Variants in MAML2 observed in about 807,000 individuals in gnomAD.
MAML2 encodes the protein mastermind like transcriptional coactivator 2.
MAML2 carries 22 observed loss-of-function variants against 96.1 expected under a neutral mutation model. The observed-to-expected ratio is 0.23, with a 90% confidence interval of 0.16 to 0.33. The LOEUF is 0.33. MAML2 is among the 10% of genes least tolerant of loss of function. MAML2 has a pLI of 1.00. For synonymous variants in MAML2, 561 were observed against 521.3 expected, an observed-to-expected ratio of 1.08 and a Z score of -1.04; for missense variants, 1,367 against 1,392.4, an observed-to-expected ratio of 0.98 and a Z score of 0.29.
At chr11:96,104,547 G>T (rs887181913) in intron 1 of MAML2, among the ~76,000 whole-genome samples, 12 of 152,180 alleles carry the variant, frequency 7.9e-5, no homozygotes, top group African/African-American at 2.9e-4. Context: ...CATTTCATTT[G>T]TCCCAGCAGA....
intron 1 of MAML2, among the ~76,000 whole-genome samples, chr11:96,330,852 A>G (rs1261657756): frequency 6.6e-6 from 1 of 152,232 alleles, no homozygotes; most frequent in African/African-American, 2.4e-5. Flanking sequence ...TTATTGGATA[A>G]TGCAAGTCAC....
At chr11:96,328,483 G>A (rs1007406441) in intron 1 of MAML2, among the ~76,000 whole-genome samples, 1 of 151,326 alleles carries the variant, frequency 6.6e-6, no homozygotes, top group East Asian at 1.9e-4. Context: ...TTGCTCTGTT[G>A]TTGAAAAAAA....
rs201632458 is a variant in MAML2, at chr11:96,189,064, G to GT, written c.514-95548dup. 2.9e-3 allele frequency among the ~76,000 whole-genome samples: 417 copies of GT among 141,594 alleles called. 3 individuals carry two copies. The highest frequency in any genetic ancestry group is 9.1e-3 in the South Asian group (41 of 4,508). The allele number at this position is 141,594 out of a possible 152,430, so 92.9% of individuals were successfully genotyped here. ...AGCTTCTAGCTCAATGCTAGAAACT[G>GT]TTTTGTTTTTTTTTTTCTATATCTG... On this transcript the variant is annotated intron_variant, in intron 1 of 4. Coordinates refer to ENST00000524717, the MANE Select transcript of MAML2 (RefSeq NM_032427.4).
intron 2 of MAML2, among the ~76,000 whole-genome samples, chr11:96,087,595 A>G (rs770123901): frequency 6.6e-5 from 10 of 152,192 alleles, no homozygotes; most frequent in Non-Finnish European, 1.2e-4. Context: ...TCATGTCATT[A>G]TATTTACCCT....
intron 1 of MAML2, among the ~76,000 whole-genome samples, chr11:96,257,308 T>C (rs1236732120): frequency 6.6e-6 from 1 of 152,238 alleles, no homozygotes; most frequent in Non-Finnish European, 1.5e-5. Flanking sequence ...CACCCTGCAA[T>C]TGATCCTTTC....
chr11:96,016,875 A>C (rs750576108), intron 2 of MAML2, among the ~76,000 whole-genome samples: 20 of 152,224 alleles, frequency 1.3e-4, no homozygotes, highest in Non-Finnish European at 2.6e-4. Flanking sequence ...TCTATAGAAA[A>C]GATTTGTTTA....
chr11:96,320,525 T>G (rs1302166133), intron 1 of MAML2, among the ~76,000 whole-genome samples: 2 of 152,268 alleles, frequency 1.3e-5, no homozygotes, highest in African/African-American at 4.8e-5. Flanking sequence ...AGGAGTGGAG[T>G]AGACAATTCC....
chr11:96,276,891 T>G (rs1862996614), intron 1 of MAML2, among the ~76,000 whole-genome samples: 1 of 146,234 alleles, frequency 6.8e-6, no homozygotes, highest in Admixed American at 6.9e-5. Flanking sequence ...GAAACCTAAA[T>G]CTGGATAGTA....
intron 1 of MAML2, among the ~76,000 whole-genome samples, chr11:96,187,980 G>A (rs1038405027): frequency 1.4e-4 from 22 of 152,146 alleles, no homozygotes; most frequent in African/African-American, 4.8e-4. Context: ...GCCTTCATGT[G>A]GCAGAGGTAT....
chr11:96,061,561 G>C (rs1859159832), intron 2 of MAML2, among the ~76,000 whole-genome samples: 1 of 152,058 alleles, frequency 6.6e-6, no homozygotes, highest in Admixed American at 6.6e-5. Flanking sequence ...TTGCTTCCTT[G>C]GAATATAGGT....
chr11:96,157,415 C>G (rs897614380), intron 1 of MAML2, among the ~76,000 whole-genome samples: 1 of 152,232 alleles, frequency 6.6e-6, no homozygotes, highest in Non-Finnish European at 1.5e-5. Context: ...TGTGGAGGAA[C>G]AGCGAGTGCT....
intron 1 of MAML2, among the ~76,000 whole-genome samples, chr11:96,118,233 C>T (rs1396605147): frequency 6.6e-6 from 1 of 152,168 alleles, no homozygotes; most frequent in African/African-American, 2.4e-5. Flanking sequence ...CTGCAAATTC[C>T]CAACTGCAAT....
chr11:96,174,153 C>T (rs899811112), intron 1 of MAML2, among the ~76,000 whole-genome samples: 1 of 152,178 alleles, frequency 6.6e-6, no homozygotes, highest in South Asian at 2.1e-4. Flanking sequence ...TCCTTTCCTT[C>T]ATACCCTAGA....
chr11:96,332,641 C>T (rs940915266), intron 1 of MAML2, among the ~76,000 whole-genome samples: 2 of 152,196 alleles, frequency 1.3e-5, no homozygotes, highest in African/African-American at 4.8e-5. Context: ...TGGGATAATA[C>T]ACTAGCACAT....
intron 1 of MAML2, among the ~76,000 whole-genome samples, chr11:96,294,333 T>C (rs1863256966): frequency 6.6e-6 from 1 of 151,570 alleles, no homozygotes; most frequent in African/African-American, 2.4e-5. Context: ...AAAAAAAAAT[T>C]ACTGATTTTG....
At chr11:96,091,619 A>C (rs983325841) in intron 2 of MAML2, among the ~76,000 whole-genome samples, 1 of 152,180 alleles carries the variant, frequency 6.6e-6, no homozygotes, top group African/African-American at 2.4e-5. Context: ...TATGTCACTA[A>C]CAGCATACAT....
At chr11:96,291,105 T>C (rs1166510626) in intron 1 of MAML2, among the ~76,000 whole-genome samples, 3 of 150,936 alleles carry the variant, frequency 2.0e-5, no homozygotes, top group African/African-American at 2.4e-5. Flanking sequence ...TGTGTTAGTT[T>C]TTCACAAGCC....
chr11:96,214,055 A>C (rs1862012536), intron 1 of MAML2, among the ~76,000 whole-genome samples: 1 of 152,226 alleles, frequency 6.6e-6, no homozygotes, highest in African/African-American at 2.4e-5. Context: ...AGACAATTGT[A>C]AAATATATTT....
chr11:96,326,766 G>A (rs7945630), intron 1 of MAML2, among the ~76,000 whole-genome samples: 5,198 of 151,348 alleles, frequency 0.034, 269 homozygotes, highest in African/African-American at 0.12. Flanking sequence ...GTCTGTCAAA[G>A]TAAATAAATA....
Sources: allele counts gnomAD v4.1 joint callset (sites outside exome capture counted in the v4.1 genomes callset), GRCh38; gene constraint gnomAD v4.1.1; transcripts MANE v1.5; gene names NCBI Gene and HGNC (gene_info 2026-07-23, HGNC 2026-07-21).